Variants in ANO3 observed in about 807,000 individuals in gnomAD.
ANO3 encodes the protein anoctamin 3.
ANO3 carries 99 observed loss-of-function variants against 144.8 expected under a neutral mutation model. The ratio of observed to expected loss-of-function variants is 0.68; its 90% CI spans 0.58 to 0.81. The LOEUF is 0.81. ANO3 is among the 30% of genes least tolerant of loss of function. ANO3 has a pLI of 0.00. For missense variants in ANO3, 905 were observed against 1,202.2 expected, an observed-to-expected ratio of 0.75 and a Z score of 3.66; for synonymous variants, 414 against 392.6, an observed-to-expected ratio of 1.05 and a Z score of -0.64.
rs184009708 is a variant in ANO3 at position 26,453,732 on chromosome 11, A to C, written c.314-9298A>C. On this transcript the variant is annotated intron_variant, in intron 3 of 26. Coordinates refer to ENST00000256737, the MANE Select transcript of ANO3 (RefSeq NM_031418.4). ...ACTCACCTCTGCACCAAGCAGACCT[A>C]ATAGACATCTACAGAACTCTCCACC... is the stretch of plus-strand genomic sequence containing the variant. Among the ~76,000 whole-genome samples, 254 of 152,284 alleles carry C rather than the reference A, an allele frequency of 1.7e-3. 2 individuals carry two copies. The highest frequency in any genetic ancestry group is 5.8e-3 in the African/African-American group (240 of 41,542).
intron 4 of ANO3, among the ~76,000 whole-genome samples, chr11:26,465,209 T>C (rs980159403): frequency 2.0e-5 from 3 of 151,012 alleles, no homozygotes; most frequent in African/African-American, 4.9e-5. Flanking sequence ...TCTTATGACA[T>C]TGACAATTTT....
At chr11:26,499,999 A>T (rs921422102) in intron 4 of ANO3, among the ~76,000 whole-genome samples, 4 of 151,948 alleles carry the variant, frequency 2.6e-5, no homozygotes, top group African/African-American at 9.7e-5. Context: ...GGAATTGATT[A>T]ATCTATTTTT....
chr11:26,195,975 A>T (rs537620624), intron 1 of ANO3, among the ~76,000 whole-genome samples: 19 of 152,264 alleles, frequency 1.2e-4, no homozygotes, highest in Non-Finnish European at 2.6e-4. Flanking sequence ...ATGTTGCCCC[A>T]TTTCTTTTTT....
intron 1 of ANO3, among the ~76,000 whole-genome samples, chr11:26,199,150 T>A (rs927620309): frequency 6.6e-6 from 1 of 152,054 alleles, no homozygotes; most frequent in African/African-American, 2.4e-5. Flanking sequence ...AACATTAATC[T>A]GTGCCCGCAG....
At chr11:26,611,461 T>C (rs1852095952) in intron 17 of ANO3, among the ~76,000 whole-genome samples, 1 of 152,192 alleles carries the variant, frequency 6.6e-6, no homozygotes, top group Non-Finnish European at 1.5e-5. Flanking sequence ...AATATTGTGG[T>C]CTAAAAGGAT....
chr11:26,489,225 G>A (rs973723956), intron 4 of ANO3, among the ~76,000 whole-genome samples: 21 of 152,010 alleles, frequency 1.4e-4, no homozygotes, highest in Admixed American at 8.5e-4. Flanking sequence ...AGGGGCCAAC[G>A]TAGAGCTCAG....
chr11:26,231,626 G>A (rs903903151), intron 1 of ANO3, among the ~76,000 whole-genome samples: 4 of 152,076 alleles, frequency 2.6e-5, no homozygotes, highest in Non-Finnish European at 4.4e-5. Context: ...CTGGGGTTTC[G>A]GATTCAAATT....
chr11:26,406,678 TGTG>T lies in ANO3; in HGVS notation c.47-35239_47-35237del, dbSNP rs1164825687. ...AAAGGGGTCCAATAATCTATGGCAG[TGTG>T]TGTGTGTGTGTGTGTGTGTGTGTGT... On this transcript the variant is annotated intron_variant, in intron 1 of 26. Transcript: ENST00000256737. Among the ~76,000 whole-genome samples, 3 of 9,068 alleles carry T rather than the reference TGTG, an allele frequency of 3.3e-4. No homozygotes were observed. The East Asian group carries it at 6.3e-3, about 19-fold the overall frequency. The allele number at this position is 9,068 out of a possible 152,430, so 5.9% of individuals were successfully genotyped here.
intron 1 of ANO3, among the ~76,000 whole-genome samples, chr11:26,414,046 T>C (rs921735384): frequency 1.3e-5 from 2 of 152,094 alleles, no homozygotes; most frequent in Non-Finnish European, 2.9e-5. Context: ...TGAGATACCA[T>C]CTCATGCCAG....
intron 1 of ANO3, among the ~76,000 whole-genome samples, chr11:26,209,111 C>T (rs1252770972): frequency 1.3e-5 from 2 of 152,198 alleles, no homozygotes; most frequent in Non-Finnish European, 2.9e-5. Context: ...CCATCACCTA[C>T]ATTAGGTATT....
chr11:26,380,158 T>C (rs937561591), intron 1 of ANO3, among the ~76,000 whole-genome samples: 3 of 152,186 alleles, frequency 2.0e-5, no homozygotes, highest in African/African-American at 7.2e-5. Flanking sequence ...ATTTCAGAAT[T>C]GTGGGTACAT....
At chr11:26,316,823 GTTCATAGGCTC>G (rs1358031433) in intron 1 of ANO3, among the ~76,000 whole-genome samples, 1 of 152,168 alleles carries the variant, frequency 6.6e-6, no homozygotes, top group Non-Finnish European at 1.5e-5. Flanking sequence ...CTGCATGTCC[GTTCATAGGCTC>G]TCTGCAGGGG....
At chr11:26,448,369 C>G (rs935659703) in intron 3 of ANO3, among the ~76,000 whole-genome samples, 2 of 151,836 alleles carry the variant, frequency 1.3e-5, no homozygotes, top group African/African-American at 2.4e-5. Context: ...CCAACCAACC[C>G]AAACACACAT....
At chr11:26,583,841 T>A (rs1216844074) in intron 14 of ANO3, among the ~76,000 whole-genome samples, 1 of 152,028 alleles carries the variant, frequency 6.6e-6, no homozygotes, top group Non-Finnish European at 1.5e-5. Flanking sequence ...GCAATCTGAG[T>A]TGTTGCTCTG....
chr11:26,424,885 CAT>C (rs370110875), intron 1 of ANO3, among the ~76,000 whole-genome samples: 32 of 150,848 alleles, frequency 2.1e-4, no homozygotes, highest in East Asian at 3.9e-4. Flanking sequence ...GTATTTTATA[CAT>C]ATATATATAT....
At chr11:26,627,418 C>T (rs10835030) in intron 18 of ANO3, among the ~76,000 whole-genome samples, 50,954 of 151,364 alleles carry the variant, frequency 0.34, 9,353 homozygotes, top group South Asian at 0.47. Context: ...CCTATTTCAC[C>T]ATTGTTGTAG....
chr11:26,486,838 T>TA (rs1289131841), intron 4 of ANO3, among the ~76,000 whole-genome samples: 1 of 152,192 alleles, frequency 6.6e-6, no homozygotes, highest in East Asian at 1.9e-4. Flanking sequence ...TTTGATAGGG[T>TA]CCTAAAGTGG....
chr11:26,407,217 A>G (rs188441402), intron 1 of ANO3, among the ~76,000 whole-genome samples: 123 of 151,468 alleles, frequency 8.1e-4, no homozygotes, highest in African/African-American at 2.8e-3. Flanking sequence ...TCTTCTGAAT[A>G]TGTAATGAAC....
chr11:26,280,408 C>T (rs1212272406), intron 1 of ANO3, among the ~76,000 whole-genome samples: 1 of 152,040 alleles, frequency 6.6e-6, no homozygotes, highest in Non-Finnish European at 1.5e-5. Context: ...CACAGTAGGC[C>T]ATCTACAAGC....
Sources: gnomAD v4.1 joint callset for allele counts (sites outside exome capture counted in the v4.1 genomes callset) on GRCh38, gnomAD v4.1.1 for gene constraint, MANE v1.5 for transcripts, NCBI Gene and HGNC (gene_info 2026-07-23, HGNC 2026-07-21) for gene names.